The following CNGA1 variants were observed in gnomAD, a reference collection of about 807,000 sequenced individuals.
CNGA1 encodes the protein cyclic nucleotide-gated channel alpha-1.
Under a neutral mutation model 69.7 loss-of-function variants are expected in CNGA1, and 53 were observed. The observed-to-expected ratio is 0.76, with a 90% CI of 0.61 to 0.96. The LOEUF is 0.96. Ranked by LOEUF, CNGA1 falls within the 40% of genes least tolerant of loss-of-function variation. CNGA1 has a pLI of 0.00. For synonymous variants in CNGA1, 249 were observed against 283.5 expected (o/e 0.88, Z 1.22); for missense variants, 739 against 811.2 (o/e 0.91, Z 1.08).
chr4:47,990,101 T>C (rs1266802185), intron 2 of CNGA1, among the ~76,000 whole-genome samples: 1 of 152,078 alleles, frequency 6.6e-6, no homozygotes, highest in Non-Finnish European at 1.5e-5. Flanking sequence ...ATGAAACTGA[T>C]TGTAAAACAT....
chr4:48,016,315 G>T (rs763203989), intron 1 of CNGA1, among the ~76,000 whole-genome samples, 168 bp downstream of exon 1: 1 of 152,132 alleles, frequency 6.6e-6, no homozygotes, highest in Non-Finnish European at 1.5e-5. Context: ...CTTGAGCCTG[G>T]CAATCGGCGC....
chr4:47,999,674 C>A (rs913564373), intron 2 of CNGA1, among the ~76,000 whole-genome samples: 1 of 152,112 alleles, frequency 6.6e-6, no homozygotes, highest in African/African-American at 2.4e-5. Flanking sequence ...AGTTTGAAAC[C>A]AGCCTGGCCA....
intron 9 of CNGA1, 65 bp from the exon 10 acceptor site, chr4:47,940,934 C>T (rs755625398): frequency 1.5e-5 from 16 of 1,068,612 alleles, no homozygotes; most frequent in South Asian, 5.2e-5. Flanking sequence ...TAAAAGTTCT[C>T]TTTGTATATT....
chr4:47,939,650 A>T (rs751343631), intron 10 of CNGA1, among the ~76,000 whole-genome samples: 11 of 152,080 alleles, frequency 7.2e-5, no homozygotes, highest in Non-Finnish European at 1.5e-4. Context: ...GCCTGTTCTA[A>T]CTCCCGTTAG....
chr4:47,966,703 C>A (rs529078517), intron 3 of CNGA1, among the ~76,000 whole-genome samples: 6 of 152,302 alleles, frequency 3.9e-5, no homozygotes, highest in Non-Finnish European at 7.4e-5. Context: ...TATTTCAGAT[C>A]TACAAATCTG....
intron 2 of CNGA1, among the ~76,000 whole-genome samples, chr4:47,994,317 T>C (rs907226243): frequency 6.6e-6 from 1 of 152,316 alleles, no homozygotes; most frequent in Admixed American, 6.5e-5. Flanking sequence ...CTATCTCATT[T>C]CTTAAGTCTA....
In CNGA1 at chr4:47,936,440, C is replaced by G. The variant is rs1328911889; in HGVS notation, c.2042G>C (p.Gly681Ala). 1 of 1,613,956 alleles carries G rather than the reference C, an allele frequency of 6.2e-7. No individual in the cohort carries two copies. The highest frequency in any genetic ancestry group is 8.5e-7 in the Non-Finnish European group (1 of 1,180,026). The change falls in exon 11 of 11, where the codon GGG becomes GCG. Residue 681 changes from glycine to alanine, a missense_variant. Gly to Ala is a moderately conservative substitution (Grantham distance 60, BLOSUM62 0). Transcript: ENST00000514170. The part of the protein sequence containing the change: ...SSIEGPGAES[G>A]PIDST ...TCGGTTCTATGTAGAGTCGATGGGC[C>G]CACTTTCCGCTCCAGGTCCCTCAAT...
At chr4:48,011,860 G>C (rs1000012308) in intron 1 of CNGA1, among the ~76,000 whole-genome samples, 3 of 152,204 alleles carry the variant, frequency 2.0e-5, no homozygotes, top group African/African-American at 7.2e-5. Flanking sequence ...TTAAGATAAA[G>C]ATTGTGGAGA....
At chr4:47,980,737 G>C (rs1415302641) in intron 3 of CNGA1, among the ~76,000 whole-genome samples, 1 of 152,030 alleles carries the variant, frequency 6.6e-6, no homozygotes. Flanking sequence ...GCCTCCCAGA[G>C]TGCTGGGATT....
At chr4:47,970,301 A>G (rs1286034989) in intron 3 of CNGA1, among the ~76,000 whole-genome samples, 1 of 152,158 alleles carries the variant, frequency 6.6e-6, no homozygotes. Flanking sequence ...GGAACAGCAT[A>G]GCTAGGGTAC....
chr4:47,987,812 T>A (rs1279064574), intron 2 of CNGA1, among the ~76,000 whole-genome samples: 1 of 152,168 alleles, frequency 6.6e-6, no homozygotes, highest in Non-Finnish European at 1.5e-5. Flanking sequence ...GAGACCTGAA[T>A]ATAGACACAG....
intron 3 of CNGA1, among the ~76,000 whole-genome samples, chr4:47,970,539 C>T (rs574587069): frequency 3.2e-4 from 49 of 151,878 alleles, no homozygotes; most frequent in Non-Finnish European, 1.0e-4. Context: ...GTAATCCCAG[C>T]TACTCGGGAG....
At chr4:47,959,266 A>G (rs1410715828) in intron 3 of CNGA1, 1 of 152,206 alleles carries the variant, frequency 6.6e-6, no homozygotes, top group Non-Finnish European at 1.5e-5. Context: ...ATGAGAAATC[A>G]ATAACAACAA....
chr4:47,968,986 ATTC>A (rs959196806), intron 3 of CNGA1, among the ~76,000 whole-genome samples: 1 of 152,200 alleles, frequency 6.6e-6, no homozygotes, highest in African/African-American at 2.4e-5. Flanking sequence ...ATAGAGGTTC[ATTC>A]TTCTTTCTAC....
chr4:48,009,031 C>A (rs1381973578), intron 2 of CNGA1, among the ~76,000 whole-genome samples: 2 of 152,056 alleles, frequency 1.3e-5, no homozygotes, highest in Admixed American at 1.3e-4. Context: ...AACCCCTATG[C>A]CAAATTTTGA....
intron 3 of CNGA1, among the ~76,000 whole-genome samples, chr4:47,973,710 A>G (rs1269667644): frequency 6.6e-6 from 1 of 152,198 alleles, no homozygotes; most frequent in Non-Finnish European, 1.5e-5. Context: ...GTGTAAAAAA[A>G]AAAAGTGCAG....
intron 3 of CNGA1, among the ~76,000 whole-genome samples, chr4:47,961,856 GATA>G (rs1358044136): frequency 6.6e-6 from 1 of 152,196 alleles, no homozygotes; most frequent in African/African-American, 2.4e-5. Context: ...TATTTGAAGT[GATA>G]ATAAAGTTAT....
chr4:47,984,633 A>G (rs1741895586), intron 2 of CNGA1, among the ~76,000 whole-genome samples: 1 of 128,676 alleles, frequency 7.8e-6, no homozygotes. Context: ...AAAAACAAAC[A>G]AACAAATAAA....
Position 48,008,183 on chromosome 4 carries a change from GT to G in CNGA1, c.-123+2610del, listed in dbSNP as rs1027215222. Among the ~76,000 whole-genome samples the G allele has an allele frequency of 3.5e-4, 53 of 151,786 alleles. 1 individual carries two copies. The highest frequency in any genetic ancestry group is 1.8e-3 in the Admixed American group (28 of 15,244). On this transcript the variant is annotated intron_variant, in intron 2 of 10. Transcript: ENST00000514170. ...ACAACTTGATCATATAAGTTTTGGG[GT>G]TTTTTTTAAATAAATTCTTTCATTG...
Sources: gnomAD v4.1 joint callset for allele counts (sites outside exome capture counted in the v4.1 genomes callset) on GRCh38, gnomAD v4.1.1 for gene constraint, MANE v1.5 for transcripts, NCBI Gene and HGNC (gene_info 2026-07-23, HGNC 2026-07-21) for gene names.